The following RPN1 variants were observed in gnomAD, a reference collection of about 807,000 sequenced individuals.
RPN1 encodes the protein ribophorin I, also known as dolichyl-diphosphooligosaccharide--protein glycosyltransferase subunit 1.
RPN1 carries 12 observed loss-of-function variants against 55.5 expected under a neutral mutation model. That is an observed-to-expected ratio of 0.22 (90% CI 0.14 to 0.35). RPN1 has a LOEUF of 0.35. Among genes scored for constraint, RPN1 ranks in the 10% least tolerant of loss-of-function variants. RPN1 has a pLI of 1.00. For missense variants in RPN1, 679 were observed against 761.3 expected (o/e 0.89, Z 1.27); for synonymous variants, 317 against 305.9 (o/e 1.04, Z -0.38).
At chr3:128,647,180 C>T (rs1162858218) in intron 1 of RPN1, among the ~76,000 whole-genome samples, 1 of 151,978 alleles carries the variant, frequency 6.6e-6, no homozygotes, top group East Asian at 1.9e-4. Context: ...ATACATATCC[C>T]ACTGATCTCT....
At chr3:128,627,418 T>C (rs1437453316) in intron 5 of RPN1, among the ~76,000 whole-genome samples, 3 of 152,108 alleles carry the variant, frequency 2.0e-5, no homozygotes, top group Non-Finnish European at 4.4e-5. Flanking sequence ...TGCACTAAAA[T>C]AGCAGAGATC....
chr3:128,644,507 C>T (rs2069751879), intron 2 of RPN1: 1 of 377,776 alleles, frequency 2.6e-6, no homozygotes. Flanking sequence ...TACACACACA[C>T]ATATTAGCCA....
chr3:128,650,768 G>T lies in RPN1; in HGVS notation c.33C>A (p.Leu11=), dbSNP rs2069813300. 6.5e-7 allele frequency: 1 copy of T among 1,544,716 alleles called. No homozygotes were observed. The highest frequency in any genetic ancestry group is 1.4e-5 in the African/African-American group (1 of 72,906). The change falls in exon 1 of 10, where the codon CTC becomes CTA. Residue 11 remains leucine (L), a synonymous_variant. Coordinates refer to ENST00000296255, the MANE Select transcript of RPN1 (RefSeq NM_002950.4). MEAPAAGLFL[L]LLLGTWAPAP... ...CCGGGGCCCAAGTCCCAAGCAACAG[G>T]AGCAGAAACAAGCCGGCGGCTGGCG... is the stretch of plus-strand genomic sequence containing the variant.
chr3:128,628,353 A>G (rs7647337), intron 5 of RPN1, among the ~76,000 whole-genome samples: 31,048 of 152,168 alleles, frequency 0.2, 3,409 homozygotes, highest in East Asian at 0.41. Flanking sequence ...ATTTAGAAAT[A>G]AAAGAGGCAT....
In RPN1 at chr3:128,637,857, G is replaced by A. The variant is rs867881809; in HGVS notation, c.575C>T (p.Thr192Met). The A allele has an allele frequency of 1.2e-5, 19 of 1,613,904 alleles. No individual in the cohort carries two copies. Among genetic ancestry groups the A allele is most frequent in the Admixed American group, 1.0e-4 (6 of 59,974 alleles). The change falls in exon 3 of 10, where the codon ACG (threonine) becomes ATG (methionine). Residue 192 changes from threonine (T) to methionine (M), a missense_variant. This residue lies in a region of RPN1 where 352 missense variants were observed against 352.8 expected (regional missense o/e 1.00). Coordinates refer to ENST00000296255, the MANE Select transcript of RPN1 (RefSeq NM_002950.4). Reference protein sequence around the residue: ...VESYTKLGNPTRSEDLLDYGP... With the variant: ...VESYTKLGNPMRSEDLLDYGP... Reference sequence around the variant, plus strand: ...ATAATCCAGTAGGTCCTCAGAGCGCGTGGGGTTCCCCAGCTTGGTGTAGCT... The same window carrying A: ...ATAATCCAGTAGGTCCTCAGAGCGCATGGGGTTCCCCAGCTTGGTGTAGCT...
chr3:128,632,844 C>A (rs916910479), intron 3 of RPN1, among the ~76,000 whole-genome samples: 1 of 152,210 alleles, frequency 6.6e-6, no homozygotes, highest in African/African-American at 2.4e-5. Flanking sequence ...ATCTGCCCAC[C>A]TTGGCCTACC....
chr3:128,638,224 T>C, intron 2 of RPN1, 119 bp from the exon 3 acceptor site: 2 of 703,318 alleles, frequency 2.8e-6, no homozygotes, highest in Admixed American at 2.8e-5. Context: ...CTTTAAGAGA[T>C]CACCTTTTCC....
At chr3:128,650,196 CG>C (rs2069805811) in intron 1 of RPN1, among the ~76,000 whole-genome samples, 1 of 152,222 alleles carries the variant, frequency 6.6e-6, no homozygotes, top group Admixed American at 6.5e-5. Context: ...GTCTCCCGAG[CG>C]GTGCCGAGAA....
In RPN1 at chr3:128,625,951, A is replaced by G; in HGVS notation, c.1198T>C (p.Tyr400His). ...SRAPDELHYT[Y>H]LDTFGRPVIV... ...ACAGGGCGGCCAAATGTGTCCAGAT[A>G]GGTGTAGTGCAGCTCATCTGGGGCA... The change falls in exon 7 of 10, where the codon TAT (tyrosine) becomes CAT (histidine). Residue 400 changes from tyrosine to histidine, a missense_variant. Tyr to His is a moderately conservative substitution (Grantham distance 83). This residue lies in a region of RPN1 where 306 missense variants were observed against 360.0 expected (regional missense o/e 0.85). Coordinates refer to ENST00000296255, the MANE Select transcript of RPN1 (RefSeq NM_002950.4). 1 of 1,613,316 alleles carries G rather than the reference A, an allele frequency of 6.2e-7. No homozygotes were observed. The highest frequency in any genetic ancestry group is 8.5e-7 in the Non-Finnish European group (1 of 1,179,352).
At chr3:128,623,489 G>A (rs944469461) in intron 8 of RPN1, among the ~76,000 whole-genome samples, 14 of 152,056 alleles carry the variant, frequency 9.2e-5, no homozygotes, top group Admixed American at 8.5e-4. Context: ...AGTGAGCCCT[G>A]ATCGTGCCAC....
intron 1 of RPN1, among the ~76,000 whole-genome samples, chr3:128,645,198 G>A (rs1434519829): frequency 2.0e-5 from 3 of 152,170 alleles, no homozygotes; most frequent in Middle Eastern, 3.4e-3. Flanking sequence ...ATGGCCAGGC[G>A]CAGGGGCTCA....
chr3:128,632,270 T>G, intron 3 of RPN1, 113 bp from the exon 4 acceptor site: 1 of 883,826 alleles, frequency 1.1e-6, no homozygotes, highest in South Asian at 1.6e-5. Context: ...GGGTAAATTA[T>G]GATGTATCTA....
At chr3:128,635,612 GATATATATATATATATATATAT>G in intron 3 of RPN1, among the ~76,000 whole-genome samples, 1 of 125,724 alleles carries the variant, frequency 8.0e-6, no homozygotes, top group East Asian at 2.2e-4. Flanking sequence ...TATAACTTGA[GATATATATATATATATATATAT>G]ATATAGATAT....
At chr3:128,638,652 G>T (rs1004114399) in intron 2 of RPN1, among the ~76,000 whole-genome samples, 1 of 152,024 alleles carries the variant, frequency 6.6e-6, no homozygotes, top group Non-Finnish European at 1.5e-5. Context: ...GTTAATAAAA[G>T]ACTTAAATTA....
Position 128,636,329 on chromosome 3 carries a change from C to T in RPN1, c.633+1470G>A, listed in dbSNP as rs143786889. ...TACAAAAATTAGCCAGGTGTGGTAG[C>T]GGGCACCTGTAATCCCAGCTACTCA... On this transcript the variant is annotated intron_variant, in intron 3 of 9. Transcript: ENST00000296255. Among the ~76,000 whole-genome samples the T allele has an allele frequency of 4.7e-3, 710 of 151,982 alleles. 10 individuals are homozygous for T. Among genetic ancestry groups the T allele is most frequent in the African/African-American group, 0.016 (674 of 41,460 alleles).
intron 3 of RPN1, among the ~76,000 whole-genome samples, chr3:128,635,684 T>TAC (rs1470999891): frequency 0.066 from 6,965 of 105,466 alleles, 263 homozygotes; most frequent in African/African-American, 0.12. Flanking sequence ...TAGATATCTA[T>TAC]AGATATACAC....
In RPN1 at chr3:128,625,566, T is replaced by C; in HGVS notation, c.1363A>G (p.Ile455Val). ...AFYILFFTVI[I>V]YVRLDFSITK... ...ATGGAGAAGTCCAGCCGAACATAGA[T>C]GATAACGGTGAAGAACAGGATGTAG... Residue 455 changes from isoleucine (I) to valine (V), a missense_variant, in exon 8 of 10, where the codon ATC becomes GTC. This residue lies in a region of RPN1 where 306 missense variants were observed against 360.0 expected (regional missense o/e 0.85). Transcript: ENST00000296255. The C allele has an allele frequency of 1.2e-6, 2 of 1,614,002 alleles. No homozygotes were observed. Among genetic ancestry groups the C allele is most frequent in the Non-Finnish European group, 1.7e-6 (2 of 1,180,018 alleles).
At chr3:128,645,464 C>T (rs1469140972) in intron 1 of RPN1, among the ~76,000 whole-genome samples, 1 of 150,812 alleles carries the variant, frequency 6.6e-6, no homozygotes, top group Non-Finnish European at 1.5e-5. Context: ...GAGCAAAATT[C>T]CATCTAAAAA....
intron 5 of RPN1, chr3:128,627,050 C>A (rs2069604374): frequency 3.7e-6 from 2 of 543,940 alleles, no homozygotes; most frequent in South Asian, 4.2e-5. Flanking sequence ...GCCACAAGAC[C>A]TTCACGTTAT....
Sources: gnomAD v4.1 joint callset for allele counts (sites outside exome capture counted in the v4.1 genomes callset) on GRCh38, gnomAD v4.1.1 for gene constraint, gnomAD v4.1.1 regional missense constraint, MANE v1.5 for transcripts, NCBI Gene and HGNC (gene_info 2026-07-23, HGNC 2026-07-21) for gene names.